The following PADI4 variants were observed in gnomAD, a reference collection of about 807,000 sequenced individuals.
The protein encoded by PADI4 is protein-arginine deiminase type-4.
PADI4 carries 62 observed loss-of-function variants against 75.0 expected under a neutral mutation model. The observed-to-expected ratio is 0.83, with a 90% CI of 0.67 to 1.02. The LOEUF (loss-of-function observed/expected upper bound fraction) is 1.02. Among genes scored for constraint, PADI4 ranks in the 50% least tolerant of loss-of-function variants. PADI4 has a pLI of 0.00. For synonymous variants in PADI4, 361 were observed against 348.1 expected (o/e 1.04, Z -0.41); for missense variants, 845 against 850.5 (o/e 0.99, Z 0.08).
At position 17,325,148 on chromosome 1, in the gene PADI4, C is replaced by T. The variant is rs147015431; in HGVS notation, c.93-5821C>T. On this transcript the variant is annotated intron_variant, in intron 1 of 15. Coordinates refer to ENST00000375448, the MANE Select transcript of PADI4 (RefSeq NM_012387.3). ...CAACTTGTCAAGTTCCATAAGAAAC[C>T]CTAAAATTCCATTGAATATATAAAT... 1.1e-3 allele frequency among the ~76,000 whole-genome samples: 168 copies of T among 152,258 alleles called. 1 individual carries two copies. In the East Asian group the frequency reaches 0.027, roughly 25 times the overall value.
At chr1:17,336,091 C>A in intron 3 of PADI4, 68 bp from the exon 4 acceptor site, 1 of 1,081,470 alleles carries the variant, frequency 9.2e-7, no homozygotes, top group Non-Finnish European at 1.4e-6. Context: ...CCTGCCCATT[C>A]AGGGCCAGGC....
intron 15 of PADI4, among the ~76,000 whole-genome samples, chr1:17,361,598 C>T (rs116618701): frequency 0.039 from 5,880 of 152,310 alleles, 389 homozygotes; most frequent in African/African-American, 0.14. Context: ...CAGTGCTGTG[C>T]CTACATGTTC....
Position 17,350,612 on chromosome 1 carries a change from G to A in PADI4, c.1155+2564G>A. 1.5e-5 allele frequency among the ~76,000 whole-genome samples: 2 copies of A among 130,860 alleles called. 1 individual carries two copies. Among genetic ancestry groups the A allele is most frequent in the Non-Finnish European group, 3.5e-5 (2 of 57,542 alleles). 85.8% of individuals were successfully genotyped at this position (130,860 alleles called of 152,430 possible). On this transcript the variant is annotated intron_variant, in intron 10 of 15. Transcript: ENST00000375448. The stretch of plus-strand genomic sequence containing the variant: ...TTGGGGGGCCACTTCTGCAGACTAT[G>A]GATATGCCTTCATTTGCCTGCAGAA...
intron 1 of PADI4, among the ~76,000 whole-genome samples, chr1:17,322,003 G>T (rs1350927847): frequency 2.0e-5 from 3 of 152,204 alleles, no homozygotes; most frequent in African/African-American, 4.8e-5. Context: ...GTGAGGCAAG[G>T]TAGAGGAGTA....
At chr1:17,313,091 G>A (rs2073867988) in intron 1 of PADI4, among the ~76,000 whole-genome samples, 1 of 152,144 alleles carries the variant, frequency 6.6e-6, no homozygotes, top group Non-Finnish European at 1.5e-5. Context: ...TCGCGAGGGT[G>A]AGGCAAGAGA....
At chr1:17,313,624 T>C (rs968324844) in intron 1 of PADI4, among the ~76,000 whole-genome samples, 8 of 152,150 alleles carry the variant, frequency 5.3e-5, no homozygotes, top group South Asian at 4.2e-4. Context: ...CTTAGTGAGT[T>C]TGGGGTCCTG....
rs140797561 is a variant in PADI4, at chr1:17,352,368, G to A, written c.1156-2165G>A. Among the ~76,000 whole-genome samples the A allele has an allele frequency of 7.2e-5, 11 of 152,244 alleles. No individual in the cohort carries two copies. In the East Asian group the frequency reaches 2.1e-3, roughly 29 times the overall value. On this transcript the variant is annotated intron_variant, in intron 10 of 15. Coordinates refer to ENST00000375448, the MANE Select transcript of PADI4 (RefSeq NM_012387.3). ...GGGCTTGTTGGCTACTGTTAAGGCT[G>A]CTTGTTTAGAAACTGAGAATCATCA...
At position 17,342,334 on chromosome 1, in the gene PADI4, G is replaced by C; in HGVS notation, c.867G>C (p.Val289=). Residue 289 remains valine, a synonymous_variant, in exon 8 of 16, where the codon GTG becomes GTC. Coordinates refer to ENST00000375448, the MANE Select transcript of PADI4 (RefSeq NM_012387.3). ...LPEAVVFQDS[V]VFRVAPWIMT... is the part of the protein sequence containing the mutation. ...AGGCTGTGGTGTTCCAAGACAGCGT[G>C]GTCTTCCGCGTGGCGCCCTGGATCA... 7 of 1,613,972 alleles carry C rather than the reference G, an allele frequency of 4.3e-6. No homozygotes were observed. Among genetic ancestry groups the C allele is most frequent in the Non-Finnish European group, 5.9e-6 (7 of 1,179,862 alleles).
At chr1:17,316,732 A>AAAAT (rs1170324995) in intron 1 of PADI4, among the ~76,000 whole-genome samples, 1 of 148,310 alleles carries the variant, frequency 6.7e-6, no homozygotes, top group Non-Finnish European at 1.5e-5. Flanking sequence ...TTAATTAATT[A>AAAAT]AAATAAATAA....
Position 17,346,214 on chromosome 1 carries a change from G to T in PADI4, c.1047+75G>T. 3.5e-6 allele frequency: 3 copies of T among 863,250 alleles called. No homozygotes were observed. Among genetic ancestry groups the T allele is most frequent in the Non-Finnish European group, 5.7e-6 (3 of 523,732 alleles). The allele number at this position is 863,250 out of a possible 1,614,324, so 53.5% of individuals were successfully genotyped here. The stretch of plus-strand genomic sequence containing the variant: ...ACACTTGGGGGACCCGGGCTCCTGG[G>T]GTTCAGCCTGGTGCCTCACCGGCCA... On this transcript the variant is annotated intron_variant, in intron 9 of 15. Transcript: ENST00000375448. This position sits in a 1 kb window ranked among gnomAD's most constrained non-coding sequence, Gnocchi z 4.3.
chr1:17,323,231 T>G (rs10888023), intron 1 of PADI4, among the ~76,000 whole-genome samples: 83,955 of 151,946 alleles, frequency 0.55, 23,441 homozygotes, highest in East Asian at 0.6. Context: ...TTCATCAAGG[T>G]GAGCAAGGCA....
At chr1:17,320,278 T>C (rs941328220) in intron 1 of PADI4, among the ~76,000 whole-genome samples, 2 of 152,106 alleles carry the variant, frequency 1.3e-5, no homozygotes, top group African/African-American at 4.8e-5. Flanking sequence ...TAAAGACCTT[T>C]GTATTACTGG....
chr1:17,354,246 G>A (rs2074720019), intron 10 of PADI4, among the ~76,000 whole-genome samples: 1 of 151,966 alleles, frequency 6.6e-6, no homozygotes, highest in African/African-American at 2.4e-5. Context: ...CTGTCTTAAG[G>A]GGAAAAAAAA....
intron 10 of PADI4, among the ~76,000 whole-genome samples, chr1:17,352,037 AGG>A (rs2074654104): frequency 3.5e-5 from 2 of 57,322 alleles, no homozygotes; most frequent in Non-Finnish European, 3.5e-5. Context: ...AGGTGATGGG[AGG>A]AGAGGCAGTC....
At chr1:17,333,456 G>A (rs2074252129) in intron 2 of PADI4, among the ~76,000 whole-genome samples, 1 of 151,990 alleles carries the variant, frequency 6.6e-6, no homozygotes, top group African/African-American at 2.4e-5. Context: ...CAGTGGATTG[G>A]TGTTTTCTCA....
Position 17,354,562 on chromosome 1 carries a change from G to A in PADI4, c.1185G>A (p.Gly395=). 1 of 1,614,120 alleles carries A rather than the reference G, an allele frequency of 6.2e-7. No homozygotes were observed. The highest frequency in any genetic ancestry group is 8.5e-7 in the Non-Finnish European group (1 of 1,179,998). The change falls in exon 11 of 16, where the codon GGG becomes GGA. Residue 395 remains glycine (G), a synonymous_variant. Transcript: ENST00000375448. The part of the protein sequence containing the change: ...MGPDFGYVTR[G]PQTGGISGLD... ...CAGATTTTGGCTATGTAACTCGAGG[G>A]CCCCAAACAGGGGGTATCAGTGGAC...
At position 17,331,113 on chromosome 1, in the gene PADI4, G is replaced by A. The variant is rs750711340; in HGVS notation, c.237G>A (p.Thr79=). ...PLDPGVEVTL[T]MKVASGSTGD... is the part of the protein sequence containing the mutation. ...ACCCTGGGGTAGAGGTGACCCTGAC[G>A]ATGAAAGTGGCCAGTGGTAGCACAG... The change falls in exon 2 of 16, where the codon ACG becomes ACA. Residue 79 remains threonine, a synonymous_variant. Coordinates refer to ENST00000375448, the MANE Select transcript of PADI4 (RefSeq NM_012387.3). The A allele has an allele frequency of 6.8e-6, 11 of 1,612,004 alleles. No individual in the cohort carries two copies. The highest frequency in any genetic ancestry group is 1.6e-4 in the Middle Eastern group (1 of 6,076).
At chr1:17,359,874 G>A (rs1454242211) in intron 15 of PADI4, among the ~76,000 whole-genome samples, 4 of 152,220 alleles carry the variant, frequency 2.6e-5, no homozygotes. Flanking sequence ...ACAAGGAGAG[G>A]GTCCTGGGCT....
At chr1:17,339,616 G>A in intron 5 of PADI4, 72 bp from the exon 6 acceptor site, 1 of 1,559,286 alleles carries the variant, frequency 6.4e-7, no homozygotes, top group Non-Finnish European at 8.8e-7. Context: ...TCCACCAGGA[G>A]GTGAGGTGGC....
Sources: gnomAD v4.1 joint callset for allele counts (sites outside exome capture counted in the v4.1 genomes callset) on GRCh38, gnomAD v4.1.1 for gene constraint, Gnocchi (gnomAD v3.1) non-coding constraint, MANE v1.5 for transcripts, NCBI Gene and HGNC (gene_info 2026-07-23, HGNC 2026-07-21) for gene names.